PRRT4: variants seen among roughly 807,000 people sequenced by gnomAD.
The protein encoded by PRRT4 is proline rich transmembrane protein 4, also known as proline-rich transmembrane protein 4.
A neutral mutation model predicts 55.6 loss-of-function variants in PRRT4; 59 were observed. The ratio of observed to expected loss-of-function variants is 1.06; its 90% CI spans 0.86 to 1.32. PRRT4 has a LOEUF of 1.32. Ranked by LOEUF, PRRT4 falls within the 40% of genes most tolerant of loss-of-function variation. The pLI is 0.00. For missense variants in PRRT4, 1,217 were observed against 1,222.0 expected, an observed-to-expected ratio of 1.00 and a Z score of 0.06; for synonymous variants, 606 against 601.8, an observed-to-expected ratio of 1.01 and a Z score of -0.10.
At position 128,351,083 on chromosome 7, in the gene PRRT4, G is replaced by T. The variant is rs1200847817; in HGVS notation, c.2473C>A (p.Pro825Thr). The T allele has an allele frequency of 1.9e-6, 3 of 1,548,826 alleles. No homozygotes were observed. In the Middle Eastern group the frequency reaches 5.0e-4, roughly 259 times the overall value. The stretch of plus-strand genomic sequence containing the variant: ...ACGCAGACCAGAGGGCAGCGCGGGG[G>T]CCTGTCGGGGCTGGAACACAGCAGC... The change falls in exon 5 of 5, where the codon CCC becomes ACC. Residue 825 changes from proline to threonine, a missense_variant. By Grantham distance (38) the Pro-to-Thr change is conservative. Coordinates refer to ENST00000535159, the Ensembl canonical transcript of PRRT4.
In PRRT4 at chr7:128,358,532, C is replaced by G; in HGVS notation, c.877+149G>C. 1 of 754,532 alleles carries G rather than the reference C, an allele frequency of 1.3e-6. No individual in the cohort carries two copies. The highest frequency in any genetic ancestry group is 2.2e-6 in the Non-Finnish European group (1 of 464,384). The allele number at this position is 754,532 out of a possible 1,614,324, so 46.7% of individuals were successfully genotyped here. On this transcript the variant is annotated intron_variant, in intron 4 of 4. Transcript: ENST00000535159. The surrounding 1 kb of genome is among the most constrained non-coding windows in gnomAD (Gnocchi z 4.4). ...CAGCAATACTTTCTCTCAGACCATT[C>G]ATATATATCTCCACGGTGATGATGA...
At chr7:128,354,250 A>G (rs1291603899) in intron 4 of PRRT4, among the ~76,000 whole-genome samples, 2 of 152,196 alleles carry the variant, frequency 1.3e-5, no homozygotes, top group Non-Finnish European at 2.9e-5. Flanking sequence ...GGGTCAGCTC[A>G]TGCAGGGGAC....
chr7:128,359,390 G>C (rs922604617), exon 2 of PRRT4: 2 of 1,466,318 alleles, frequency 1.4e-6, no homozygotes, highest in South Asian at 1.5e-5. Flanking sequence ...CCGCAGGCTG[G>C]GCAGCAGGGG....
At chr7:128,350,910 G>C in exon 5 of PRRT4, 1 of 1,550,816 alleles carries the variant, frequency 6.4e-7, no homozygotes, top group Non-Finnish European at 8.7e-7. Flanking sequence ...GTCGGCAGGC[G>C]TCCAGGAACT....
chr7:128,354,256 G>A (rs1038584165), intron 4 of PRRT4, among the ~76,000 whole-genome samples: 2 of 152,170 alleles, frequency 1.3e-5, no homozygotes, highest in Non-Finnish European at 2.9e-5. Context: ...GCTCATGCAG[G>A]GGACACTCAA....
chr7:128,352,634 C>T (rs1461221348), exon 5 of PRRT4: 5 of 1,539,398 alleles, frequency 3.2e-6, no homozygotes, highest in Non-Finnish European at 3.5e-6. Flanking sequence ...CCGAGGCTGG[C>T]GGGAGGAGAG....
exon 5 of PRRT4, chr7:128,351,515 C>A: frequency 1.3e-6 from 2 of 1,494,242 alleles, no homozygotes; most frequent in Middle Eastern, 1.8e-4. Flanking sequence ...CCTGGCCCTG[C>A]CAGCGCGCAC....
At chr7:128,351,193 T>C in exon 5 of PRRT4, 3 of 1,542,122 alleles carry the variant, frequency 1.9e-6, no homozygotes, top group Non-Finnish European at 2.6e-6. Context: ...GGAGGGGAGC[T>C]CCGGGGGCGC....
chr7:128,354,955 G>A (rs963141727), intron 4 of PRRT4, among the ~76,000 whole-genome samples: 2 of 152,140 alleles, frequency 1.3e-5, no homozygotes, highest in Admixed American at 6.5e-5. Flanking sequence ...AGATTGTGTC[G>A]TTATCATGAT....
chr7:128,359,411 T>C, exon 2 of PRRT4: 3 of 1,465,626 alleles, frequency 2.0e-6, no homozygotes, highest in Non-Finnish European at 1.8e-6. Context: ...CAGCGTTCGA[T>C]GCCCAAGCGT....
At position 128,352,520 on chromosome 7, in the gene PRRT4, G is replaced by C. The variant is rs570330844; in HGVS notation, c.1036C>G (p.Leu346Val). The change falls in exon 5 of 5, where the codon CTG becomes GTG. Residue 346 changes from leucine to valine, a missense_variant. Leu to Val is a conservative substitution (Grantham distance 32). Transcript: ENST00000535159. ...TCTGCCCAGTCGGCCTCCAGGGTCA[G>C]GAAAAAGAGGGGCCTCGGCGCCTCG... The C allele has an allele frequency of 1.9e-6, 3 of 1,543,476 alleles. No individual in the cohort carries two copies. In the African/African-American group the frequency reaches 4.1e-5, roughly 21 times the overall value.
At chr7:128,361,059 A>T (rs1195397013) in intron 1 of PRRT4, among the ~76,000 whole-genome samples, 1 of 133,256 alleles carries the variant, frequency 7.5e-6, no homozygotes, top group Admixed American at 7.8e-5. Context: ...AAGCTCTGTG[A>T]GCCCCCGGCC....
Position 128,352,553 on chromosome 7 carries a change from GC to G in PRRT4, c.1002del (p.Gln335SerfsTer12). On this transcript the variant is annotated frameshift_variant, in exon 5 of 5. Coordinates refer to ENST00000535159, the Ensembl canonical transcript of PRRT4. LOFTEE classifies it high-confidence loss of function. Reference sequence around the variant, plus strand: ...AGGGGCCTCGGCGCCTCGGGAGGCTGCCCCTCGCGTTCAGGCAATTCTCCCA... The same window carrying G: ...AGGGGCCTCGGCGCCTCGGGAGGCTGCCCTCGCGTTCAGGCAATTCTCCCA... 1 of 1,544,668 alleles carries G rather than the reference GC, an allele frequency of 6.5e-7. No homozygotes were observed. The highest frequency in any genetic ancestry group is 8.7e-7 in the Non-Finnish European group (1 of 1,146,926).
exon 2 of PRRT4, chr7:128,359,774 T>C: frequency 2.6e-6 from 4 of 1,543,736 alleles, no homozygotes; most frequent in East Asian, 2.5e-5. Flanking sequence ...TGGCTGGGTC[T>C]CTGTGACTGG....
chr7:128,352,746 A>T, intron 4 of PRRT4, 68 bp from the exon 6 acceptor site: 1 of 1,386,810 alleles, frequency 7.2e-7, no homozygotes, highest in Non-Finnish European at 9.6e-7. Flanking sequence ...CACAAGCAGT[A>T]GCCTGAATGC....
exon 5 of PRRT4, chr7:128,351,592 G>T: frequency 6.6e-7 from 1 of 1,505,264 alleles, no homozygotes. Context: ...TGGGGGCCCA[G>T]TGACCCAGCC....
intron 4 of PRRT4, among the ~76,000 whole-genome samples, chr7:128,356,473 A>C (rs1465247808): frequency 6.6e-6 from 1 of 152,054 alleles, no homozygotes; most frequent in Non-Finnish European, 1.5e-5. Flanking sequence ...TGACCTCATC[A>C]CCCATCTCCC....
chr7:128,352,816 C>T (rs1797029585), intron 4 of PRRT4, 138 bp from the exon 6 acceptor site: 1 of 825,410 alleles, frequency 1.2e-6, no homozygotes, highest in Non-Finnish European at 1.8e-6. Context: ...ACTCACCCCA[C>T]CTCTTGGCCT....
intron 4 of PRRT4, among the ~76,000 whole-genome samples, chr7:128,356,890 T>C (rs530069089): frequency 6.6e-6 from 1 of 152,180 alleles, no homozygotes; most frequent in African/African-American, 2.4e-5. Flanking sequence ...TTTGTAGGGG[T>C]GACACTCAAA....
Sources: gnomAD v4.1 joint callset for allele counts (sites outside exome capture counted in the v4.1 genomes callset) on GRCh38, gnomAD v4.1.1 for gene constraint, Gnocchi (gnomAD v3.1) non-coding constraint, MANE v1.5 for transcripts, NCBI Gene and HGNC (gene_info 2026-07-23, HGNC 2026-07-21) for gene names.